Variants in MICALL2 observed in about 807,000 individuals in gnomAD.
The protein encoded by MICALL2 is MICAL like 2, also known as MICAL-like protein 2.
MICALL2 carries 111 observed loss-of-function variants against 91.1 expected under a neutral mutation model. The observed-to-expected ratio is 1.22, with a 90% CI of 1.04 to 1.43. MICALL2 has a LOEUF of 1.43. MICALL2 is among the 40% of genes most tolerant of loss of function. MICALL2 has a pLI of 0.00. For missense variants in MICALL2, 1,556 were observed against 1,236.0 expected, an observed-to-expected ratio of 1.26 and a Z score of -3.88; for synonymous variants, 694 against 525.3, an observed-to-expected ratio of 1.32 and a Z score of -4.39.
chr7:1,453,726 C>T (rs1364092399), intron 1 of MICALL2, among the ~76,000 whole-genome samples: 3 of 152,126 alleles, frequency 2.0e-5, no homozygotes, highest in East Asian at 3.9e-4. Context: ...GACATGGCAT[C>T]CTCCAGGGTT....
intron 6 of MICALL2, among the ~76,000 whole-genome samples, chr7:1,442,979 G>A (rs748094600): frequency 1.1e-3 from 161 of 152,062 alleles, no homozygotes; most frequent in Non-Finnish European, 1.7e-3. Context: ...CAAGGCCTCC[G>A]TGCCTTCCTG....
At chr7:1,454,070 G>C (rs1356422577) in intron 1 of MICALL2, among the ~76,000 whole-genome samples, 2 of 151,802 alleles carry the variant, frequency 1.3e-5, no homozygotes, top group Non-Finnish European at 2.9e-5. Flanking sequence ...CTGCCCCGGC[G>C]CCTCTGGGGG....
At chr7:1,447,868 G>C in intron 3 of MICALL2, 103 bp from the exon 4 acceptor site, 1 of 897,740 alleles carries the variant, frequency 1.1e-6, no homozygotes, top group Non-Finnish European at 1.6e-6. Context: ...GGTGCCCGGG[G>C]GGGACCTGGG....
chr7:1,459,167 C>T lies in MICALL2; in HGVS notation c.143+17G>A, dbSNP rs370681730. 2 of 1,600,878 alleles carry T rather than the reference C, an allele frequency of 1.2e-6. No individual in the cohort carries two copies. Among genetic ancestry groups the T allele is most frequent in the South Asian group, 1.1e-5 (1 of 89,804 alleles). On this transcript the variant is annotated intron_variant, in intron 1 of 16. Coordinates refer to ENST00000297508, the MANE Select transcript of MICALL2 (RefSeq NM_182924.4). Reference sequence around the variant, plus strand: ...GCCGAACAGCAGAAGAATCAAAGGGCGCCAGGCAGGACTTACATGAGGTCG... The same window carrying T: ...GCCGAACAGCAGAAGAATCAAAGGGTGCCAGGCAGGACTTACATGAGGTCG...
rs540718647 is a variant in MICALL2, at chr7:1,434,528, C to A, written c.*68G>T. The A allele has an allele frequency of 7.0e-7, 1 of 1,419,226 alleles. No homozygotes were observed. Among genetic ancestry groups the A allele is most frequent in the Non-Finnish European group, 1.0e-6 (1 of 1,003,802 alleles). The allele number at this position is 1,419,226 out of a possible 1,614,324, so 87.9% of individuals were successfully genotyped here. On this transcript the variant is annotated 3_prime_UTR_variant, in exon 17 of 17. Coordinates refer to ENST00000297508, the MANE Select transcript of MICALL2 (RefSeq NM_182924.4). ...TACAAGTCCGGGTTCCGGGTCCGGG[C>A]CAAGCCCATGGCCCCGAGTCCAAGT...
rs1367476908 is a variant in MICALL2, at chr7:1,436,738, T to A, written c.2591+4A>T. 1.3e-6 allele frequency: 2 copies of A among 1,599,102 alleles called. No homozygotes were observed. Among genetic ancestry groups the A allele is most frequent in the African/African-American group, 2.7e-5 (2 of 74,396 alleles). ...GGGAGGGGCCCCCGGCACCTGCCCC[T>A]CACCGGAGCCGGTCCTCGTCCAGCG... On this transcript the variant is annotated splice_donor_region_variant and intron_variant, in intron 15 of 16. Transcript: ENST00000297508.
rs1387893236 is a variant in MICALL2, at chr7:1,438,951, C to A, written c.2011G>T (p.Ala671Ser). The change falls in exon 10 of 17, where the codon GCC (alanine) becomes TCC (serine). Residue 671 changes from alanine to serine, a missense_variant. Physicochemically the swap from Ala to Ser is moderately conservative, Grantham distance 99. Transcript: ENST00000297508. Reference protein sequence around the residue: ...PPRRRRLAVPASLDVCDNWLR... With the variant: ...PPRRRRLAVPSSLDVCDNWLR... ...CAGTTGTCACAAACGTCGAGGCTGG[C>A]AGGGACGGCCAGTCTCCTGCGGCGG... The A allele has an allele frequency of 1.2e-6, 2 of 1,602,914 alleles. No individual in the cohort carries two copies. Among genetic ancestry groups the A allele is most frequent in the Non-Finnish European group, 1.7e-6 (2 of 1,179,222 alleles).
chr7:1,434,585 C>A lies in MICALL2; in HGVS notation c.*11G>T. The A allele has an allele frequency of 1.9e-6, 3 of 1,608,842 alleles. No individual in the cohort carries two copies. Among genetic ancestry groups the A allele is most frequent in the Non-Finnish European group, 2.6e-6 (3 of 1,176,220 alleles). On this transcript the variant is annotated 3_prime_UTR_variant, in exon 17 of 17. Transcript: ENST00000297508. ...GCCAGGTCCGGGCCGAGCCCACGGC[C>A]CTACTGGCTACTACTGGGAGGGGCT...
intron 2 of MICALL2, 115 bp from the exon 3 acceptor site, chr7:1,448,876 G>A: frequency 1.5e-6 from 2 of 1,301,546 alleles, no homozygotes; most frequent in Non-Finnish European, 2.1e-6. Context: ...GGCGTGGGTT[G>A]GAGGCCGGAG....
intron 1 of MICALL2, among the ~76,000 whole-genome samples, chr7:1,454,081 C>T (rs1169836624): frequency 6.6e-6 from 1 of 151,506 alleles, no homozygotes; most frequent in Non-Finnish European, 1.5e-5. Flanking sequence ...CCTCTGGGGG[C>T]TCTTGGGAAT....
intron 4 of MICALL2, 140 bp from the exon 5 acceptor site, chr7:1,446,968 G>C (rs1780627344): frequency 1.6e-6 from 1 of 640,000 alleles, no homozygotes; most frequent in Non-Finnish European, 2.7e-6. Flanking sequence ...GCTGCGGTCG[G>C]GGTCACACCC....
At position 1,451,161 on chromosome 7, in the gene MICALL2, C is replaced by T. The variant is rs998503863; in HGVS notation, c.144-873G>A. ...TCCCGAGGTGAGGTCCCCGGCCAGC[C>T]TGGACAGCAGGGCCCTTCTGGGGAC... On this transcript the variant is annotated intron_variant, in intron 1 of 16. Transcript: ENST00000297508. The surrounding 1 kb of genome is among the most constrained non-coding windows in gnomAD (Gnocchi z 4.5). 6.6e-6 allele frequency among the ~76,000 whole-genome samples: 1 copy of T among 152,210 alleles called. No homozygotes were observed. Among genetic ancestry groups the T allele is most frequent in the African/African-American group, 2.4e-5 (1 of 41,454 alleles).
chr7:1,440,353 G>A lies in MICALL2; in HGVS notation c.1805+238C>T, dbSNP rs141199278. The A allele has an allele frequency of 1.0e-4, 62 of 619,712 alleles. 1 individual carries two copies. The East Asian group carries it at 1.7e-3, about 17-fold the overall frequency. 38.4% of individuals were successfully genotyped at this position (619,712 alleles called of 1,614,324 possible). A position where few individuals can be genotyped will look rare whatever the true frequency, so the allele number is the denominator to read the frequency against. ...ATGGGGAGACTCCACCCCAGCTGCA[G>A]GCATGGTGCGTGAACCCACACGGGT... On this transcript the variant is annotated intron_variant, in intron 8 of 16. Coordinates refer to ENST00000297508, the MANE Select transcript of MICALL2 (RefSeq NM_182924.4).
chr7:1,436,976 G>A, intron 14 of MICALL2, 120 bp from the exon 15 acceptor site: 1 of 672,612 alleles, frequency 1.5e-6, no homozygotes, highest in Non-Finnish European at 2.4e-6. Context: ...TGGGGTCTTG[G>A]GGGGATCCGG....
At chr7:1,435,019 A>C in intron 16 of MICALL2, 82 bp downstream of exon 16, 7 of 333,032 alleles carry the variant, frequency 2.1e-5, no homozygotes, top group African/African-American at 7.9e-5. Flanking sequence ...GGCCCGGTCC[A>C]CCCAGCCAGC....
chr7:1,439,904 C>G, intron 9 of MICALL2, 21 bp downstream of exon 9: 1 of 1,419,868 alleles, frequency 7.0e-7, no homozygotes, highest in South Asian at 1.6e-5. Flanking sequence ...CCGGGGGCCC[C>G]TGGGTCCCGT....
chr7:1,458,165 T>C (rs983124322), intron 1 of MICALL2, among the ~76,000 whole-genome samples: 7 of 152,180 alleles, frequency 4.6e-5, no homozygotes, highest in Non-Finnish European at 1.0e-4. Flanking sequence ...GGCAGGACAG[T>C]GTCCAGGGGC....
At chr7:1,454,288 G>A (rs1187845207) in intron 1 of MICALL2, among the ~76,000 whole-genome samples, 1 of 152,126 alleles carries the variant, frequency 6.6e-6, no homozygotes, top group Non-Finnish European at 1.5e-5. Context: ...CAGGTGGACG[G>A]ACAGAGAGAG....
Position 1,445,359 on chromosome 7 carries a change from G to A in MICALL2, c.711C>T (p.Val237=), listed in dbSNP as rs2128522709. 6.3e-7 allele frequency: 1 copy of A among 1,595,278 alleles called. No homozygotes were observed. The highest frequency in any genetic ancestry group is 8.5e-7 in the Non-Finnish European group (1 of 1,175,610). Residue 237 remains valine (V), a synonymous_variant, in exon 6 of 17, where the codon GTC becomes GTT. Coordinates refer to ENST00000297508, the MANE Select transcript of MICALL2 (RefSeq NM_182924.4). ...CGGCTGCGGGGAGGTGGCTGGTGCA[G>A]ACGAAGGTGCCCGGCTCTCCTGTGG... ...YKATGEPGTF[V]CTSHLPAAAS...
Sources: allele counts gnomAD v4.1 joint callset (sites outside exome capture counted in the v4.1 genomes callset), GRCh38; gene constraint gnomAD v4.1.1; non-coding constraint Gnocchi (gnomAD v3.1); transcripts MANE v1.5; gene names NCBI Gene and HGNC (gene_info 2026-07-23, HGNC 2026-07-21).